Variants in SYK observed in about 807,000 individuals in gnomAD.
SYK encodes the protein tyrosine-protein kinase SYK.
Under a neutral mutation model 77.8 loss-of-function variants are expected in SYK, and 16 were observed. The observed-to-expected ratio is 0.21, with a 90% CI of 0.14 to 0.31. The LOEUF is 0.31. Ranked by LOEUF, SYK falls within the 10% of genes least tolerant of loss-of-function variation. The pLI, the probability that SYK is intolerant of heterozygous loss-of-function variation, is 1.00. For missense variants in SYK, 529 were observed against 814.4 expected (o/e 0.65, Z 4.26); for synonymous variants, 312 against 308.7 (o/e 1.01, Z -0.11).
intron 3 of SYK, among the ~76,000 whole-genome samples, chr9:90,852,024 A>G (rs1405244523): frequency 6.6e-6 from 1 of 152,252 alleles, no homozygotes; most frequent in South Asian, 2.1e-4. Context: ...ACACGTCTCT[A>G]TAACACCTTT....
chr9:90,891,846 C>T (rs934111186), intron 13 of SYK, among the ~76,000 whole-genome samples: 1 of 152,150 alleles, frequency 6.6e-6, no homozygotes, highest in African/African-American at 2.4e-5. Flanking sequence ...TGCAGGGGGT[C>T]CCTCACTGCA....
intron 3 of SYK, among the ~76,000 whole-genome samples, chr9:90,848,594 C>T (rs1035215562): frequency 9.2e-5 from 14 of 152,234 alleles, no homozygotes; most frequent in Non-Finnish European, 2.1e-4. Context: ...CTGTTCTTCT[C>T]GGGCCTTCAT....
intron 11 of SYK, among the ~76,000 whole-genome samples, chr9:90,881,055 G>T (rs1056546246): frequency 6.6e-6 from 1 of 152,122 alleles, no homozygotes; most frequent in African/African-American, 2.4e-5. Context: ...CTACCTCAGG[G>T]TCACTTCCAC....
chr9:90,862,447 C>A, intron 4 of SYK, 103 bp downstream of exon 4: 1 of 1,371,368 alleles, frequency 7.3e-7, no homozygotes, highest in Non-Finnish European at 9.8e-7. Context: ...CACCCACTGC[C>A]CACAGTGTGG....
At chr9:90,841,458 TTG>T (rs1000784980) in intron 1 of SYK, among the ~76,000 whole-genome samples, 1 of 149,350 alleles carries the variant, frequency 6.7e-6, no homozygotes, top group East Asian at 2.0e-4. Flanking sequence ...TGTATGTAGT[TTG>T]TGTGTGTGTG....
At chr9:90,814,047 A>C (rs983815001) in intron 1 of SYK, among the ~76,000 whole-genome samples, 2 of 152,232 alleles carry the variant, frequency 1.3e-5, no homozygotes, top group African/African-American at 4.8e-5. Context: ...CTCTGCTCCC[A>C]GCATGGCACC....
chr9:90,837,932 G>A (rs1337206650), intron 1 of SYK, among the ~76,000 whole-genome samples: 1 of 152,204 alleles, frequency 6.6e-6, no homozygotes, highest in African/African-American at 2.4e-5. Context: ...CAATGCTTCT[G>A]GTAGAAAGCA....
At chr9:90,815,817 C>T (rs368592999) in intron 1 of SYK, among the ~76,000 whole-genome samples, 132 of 152,336 alleles carry the variant, frequency 8.7e-4, no homozygotes, top group South Asian at 2.9e-3. Context: ...TGCGCTGCTG[C>T]TCACTTCTGC....
At chr9:90,835,355 G>A (rs1826033983) in intron 1 of SYK, among the ~76,000 whole-genome samples, 1 of 152,214 alleles carries the variant, frequency 6.6e-6, no homozygotes, top group South Asian at 2.1e-4. Context: ...ATGGACAGCT[G>A]GACACGGGCC....
intron 1 of SYK, among the ~76,000 whole-genome samples, chr9:90,828,518 T>C (rs962471261): frequency 2.0e-5 from 3 of 152,116 alleles, no homozygotes; most frequent in African/African-American, 7.2e-5. Flanking sequence ...GGAGACATCC[T>C]TGGCCCCACT....
At chr9:90,860,230 A>G (rs1827204154) in intron 3 of SYK, among the ~76,000 whole-genome samples, 1 of 152,242 alleles carries the variant, frequency 6.6e-6, no homozygotes. Flanking sequence ...CTTTGGAGTG[A>G]CATATTGTCA....
At chr9:90,850,576 C>T (rs1301178423) in intron 3 of SYK, among the ~76,000 whole-genome samples, 1 of 151,752 alleles carries the variant, frequency 6.6e-6, no homozygotes, top group Non-Finnish European at 1.5e-5. Context: ...TTTATTTTTG[C>T]ATTGCAAGCC....
intron 1 of SYK, among the ~76,000 whole-genome samples, chr9:90,841,313 C>T (rs1030178890): frequency 7.4e-6 from 1 of 134,818 alleles, no homozygotes; most frequent in African/African-American, 2.8e-5. Flanking sequence ...AGTTTGTGTG[C>T]TGCACGTAGT....
chr9:90,801,618 C>T (rs992357070), upstream of SYK, among the ~76,000 whole-genome samples: 5 of 152,220 alleles, frequency 3.3e-5, no homozygotes, highest in African/African-American at 7.2e-5. Context: ...TCCTCTACAC[C>T]TGCCGCCGCC....
At chr9:90,841,381 T>C (rs970959447) in intron 1 of SYK, among the ~76,000 whole-genome samples, 1 of 152,052 alleles carries the variant, frequency 6.6e-6, no homozygotes, top group Non-Finnish European at 1.5e-5. Flanking sequence ...GTGTGCAGTG[T>C]GTGTGTAGTT....
chr9:90,814,381 A>C (rs1825211819), intron 1 of SYK, among the ~76,000 whole-genome samples: 2 of 152,358 alleles, frequency 1.3e-5, no homozygotes, highest in South Asian at 4.1e-4. Context: ...AACCATTTAA[A>C]ATAAATGTTG....
intron 1 of SYK, among the ~76,000 whole-genome samples, chr9:90,809,841 T>C (rs12551275): frequency 0.23 from 35,521 of 151,772 alleles, 4,209 homozygotes; most frequent in Middle Eastern, 0.35. Context: ...TCTCTGCTTG[T>C]GTTGCTGTCG....
At chr9:90,887,674 A>G (rs1828630586) in intron 11 of SYK, 75 bp from the exon 12 acceptor site, 1 of 1,490,476 alleles carries the variant, frequency 6.7e-7, no homozygotes. Context: ...AAGTGCTGGG[A>G]TTACAGGCAT....
intron 1 of SYK, among the ~76,000 whole-genome samples, chr9:90,814,232 TACCAGGACC>T (rs1347842029): frequency 6.6e-6 from 1 of 152,156 alleles, no homozygotes; most frequent in Non-Finnish European, 1.5e-5. Context: ...AAGGGGGAAG[TACCAGGACC>T]ACACAGACTC....
Sources: gnomAD v4.1 joint callset for allele counts (sites outside exome capture counted in the v4.1 genomes callset) on GRCh38, gnomAD v4.1.1 for gene constraint, MANE v1.5 for transcripts, NCBI Gene and HGNC (gene_info 2026-07-23, HGNC 2026-07-21) for gene names.